The following MGAM variants were observed in gnomAD, a reference collection of about 807,000 sequenced individuals.
MGAM encodes alpha-1,4-glucosidase.
In MGAM, 253 loss-of-function variants were observed where a neutral mutation model predicts 358.8. The ratio of observed to expected loss-of-function variants is 0.71; its 90% CI spans 0.64 to 0.78. MGAM has a LOEUF of 0.78. MGAM is among the 30% of genes least tolerant of loss of function. The pLI is 0.00. For missense variants in MGAM, 3,080 were observed against 3,432.6 expected, an observed-to-expected ratio of 0.90 and a Z score of 2.57; for synonymous variants, 1,105 against 1,227.1, an observed-to-expected ratio of 0.90 and a Z score of 2.08.
chr7:142,065,966 T>TGG, intron 40 of MGAM, 135 bp downstream of exon 40: 1 of 755,556 alleles, frequency 1.3e-6, no homozygotes. Context: ...TTGTTTTGTT[T>TGG]TGTTTTTTTT....
Position 142,036,911 on chromosome 7 carries a change from A to G in MGAM, c.2165A>G (p.Tyr722Cys). ...YLNIRYTLLP[Y>C]LYTLFFRAHS... Reference sequence around the variant, plus strand: ...AACATCCGCTATACTCTATTGCCCTACCTATACACCCTCTTCTTCCGTGCT... The same window carrying G: ...AACATCCGCTATACTCTATTGCCCTGCCTATACACCCTCTTCTTCCGTGCT... The change falls in exon 18 of 71, where the codon TAC becomes TGC. Residue 722 changes from tyrosine to cysteine, a missense_variant. Around this residue, in one of 5 missense-constraint regions of MGAM, gnomAD observed 1,816 missense variants for 1,840.5 expected, o/e 0.99. Transcript: ENST00000475668. 2 of 1,613,676 alleles carry G rather than the reference A, an allele frequency of 1.2e-6. No individual in the cohort carries two copies. The highest frequency in any genetic ancestry group is 1.7e-6 in the Non-Finnish European group (2 of 1,179,684).
chr7:142,039,832 T>C (rs1373371883), intron 19 of MGAM, among the ~76,000 whole-genome samples: 6 of 152,186 alleles, frequency 3.9e-5, no homozygotes, highest in Admixed American at 3.9e-4. Flanking sequence ...TTGGGAATGT[T>C]GGGAAAATTA....
At chr7:142,060,228 C>A in intron 33 of MGAM, 83 bp from the exon 34 acceptor site, 2 of 1,547,334 alleles carry the variant, frequency 1.3e-6, no homozygotes, top group Non-Finnish European at 1.8e-6. Context: ...CCTAGGAGCA[C>A]GGTTTGTATA....
intron 1 of MGAM, among the ~76,000 whole-genome samples, chr7:142,000,093 C>G (rs138252486): frequency 6.6e-6 from 1 of 152,190 alleles, no homozygotes; most frequent in Admixed American, 6.5e-5. Context: ...TATTGGTTAT[C>G]TATTGCAGGG....
chr7:142,032,387 G>A (rs2129004758), intron 13 of MGAM, among the ~76,000 whole-genome samples: 1 of 152,134 alleles, frequency 6.6e-6, no homozygotes, highest in South Asian at 2.1e-4. Flanking sequence ...TTAAATTATA[G>A]CAACTAAAGA....
chr7:142,062,368 G>A (rs1490537631), intron 34 of MGAM, among the ~76,000 whole-genome samples, 200 bp from the exon 35 acceptor site: 2 of 152,144 alleles, frequency 1.3e-5, no homozygotes, highest in African/African-American at 4.8e-5. Context: ...TTTTCCAAAT[G>A]CTGGGAAGGT....
chr7:142,105,660 T>A (rs1276388847), intron 70 of MGAM, among the ~76,000 whole-genome samples, 154 bp from the exon 71 acceptor site: 1 of 152,228 alleles, frequency 6.6e-6, no homozygotes, highest in East Asian at 1.9e-4. Context: ...GAAAACACCC[T>A]TCTCATCTGA....
intron 2 of MGAM, among the ~76,000 whole-genome samples, chr7:141,987,702 A>G (rs987166869): frequency 2.0e-5 from 3 of 152,172 alleles, no homozygotes; most frequent in African/African-American, 7.2e-5. Flanking sequence ...AACTGATAGG[A>G]TTGGAGGGAT....
At position 142,005,649 on chromosome 7, in the gene MGAM, A is replaced by T. The variant is rs782329352; in HGVS notation, c.119A>T (p.Lys40Ile). The change falls in exon 2 of 71, where the codon AAA becomes ATA. Residue 40 changes from lysine to isoleucine, a missense_variant. Coordinates refer to ENST00000475668, the MANE Select transcript of MGAM (RefSeq NM_001365693.1). The stretch of plus-strand genomic sequence containing the variant: ...GTGCTTTTAGCCAAAGAGTCACTGA[A>T]ATCAACAGGTAAGAAGTAACTCTGG... ...LIVLLAKESL[K>I]STAPDPGTTG... 1.2e-6 allele frequency: 2 copies of T among 1,601,402 alleles called. No individual in the cohort carries two copies. Among genetic ancestry groups the T allele is most frequent in the East Asian group, 4.5e-5 (2 of 44,516 alleles).
chr7:141,993,906 G>C (rs1362139569), upstream of MGAM, among the ~76,000 whole-genome samples: 2 of 152,180 alleles, frequency 1.3e-5, no homozygotes, highest in Non-Finnish European at 2.9e-5. Context: ...AAATATTATA[G>C]TAACTGTGTT....
Position 142,071,067 on chromosome 7 carries a change from G to A in MGAM, c.5135G>A (p.Arg1712His), listed in dbSNP as rs373367889. The change falls in exon 44 of 71, where the codon CGT becomes CAT. Residue 1712 changes from arginine (R) to histidine (H), a missense_variant. Arg to His is a conservative substitution (Grantham distance 29, BLOSUM62 0). Coordinates refer to ENST00000475668, the MANE Select transcript of MGAM (RefSeq NM_001365693.1). ...CTTGACCACATTAATCTTCATGTCC[G>A]TGGGGGCTACATCCTGCCCTGGCAA... ...APLDHINLHVRGGYILPWQEP... is the reference protein window; with the variant it reads ...APLDHINLHVHGGYILPWQEP... The A allele has an allele frequency of 6.4e-6, 10 of 1,556,216 alleles. 1 individual carries two copies. Among genetic ancestry groups the A allele is most frequent in the African/African-American group, 2.7e-5 (2 of 74,554 alleles).
In MGAM at chr7:142,056,947, G is replaced by A. The variant is rs368031399; in HGVS notation, c.3693+5G>A. On this transcript the variant is annotated splice_donor_5th_base_variant and intron_variant, in intron 30 of 70. Coordinates refer to ENST00000475668, the MANE Select transcript of MGAM (RefSeq NM_001365693.1). ...GTCACCCAGCAGTACACTGAGGTAG[G>A]GGGAAATCCAATTGTTTATCAAGTA... The A allele has an allele frequency of 3.8e-5, 61 of 1,613,160 alleles. 1 individual carries two copies. Among genetic ancestry groups the A allele is most frequent in the South Asian group, 3.3e-4 (30 of 90,978 alleles).
At chr7:142,087,844 A>G (rs1308842355) in intron 57 of MGAM, among the ~76,000 whole-genome samples, 1 of 146,452 alleles carries the variant, frequency 6.8e-6, no homozygotes, top group Non-Finnish European at 1.5e-5. Context: ...GTTAGCAGCC[A>G]CTCAGAAGTC....
chr7:142,092,495 G>T lies in MGAM; in HGVS notation c.6946-26G>T. 2.7e-6 allele frequency: 4 copies of T among 1,508,946 alleles called. 2 individuals carry two copies. In the South Asian group the frequency reaches 4.7e-5, roughly 18 times the overall value. The allele number at this position is 1,508,946 out of a possible 1,614,324, so 93.5% of individuals were successfully genotyped here. A position where few individuals can be genotyped will look rare whatever the true frequency, so the allele number is the denominator to read the frequency against. ...AGGACGTAATTATCTTAAAAAGTGA[G>T]GTATGTCTGTGTTTGGCATTTCTAG... is the stretch of plus-strand genomic sequence containing the variant. On this transcript the variant is annotated intron_variant, in intron 58 of 70. Transcript: ENST00000475668.
chr7:142,044,809 T>G lies in MGAM; in HGVS notation c.2499-2976T>G, dbSNP rs184105066. 9.6e-5 allele frequency among the ~76,000 whole-genome samples: 6 copies of G among 62,800 alleles called. No individual in the cohort carries two copies. The East Asian group carries it at 1.7e-3, about 17-fold the overall frequency. The allele number at this position is 62,800 out of a possible 152,430, so 41.2% of individuals were successfully genotyped here. A position where few individuals can be genotyped will look rare whatever the true frequency, so the allele number is the denominator to read the frequency against. On this transcript the variant is annotated intron_variant, in intron 21 of 70. Coordinates refer to ENST00000475668, the MANE Select transcript of MGAM (RefSeq NM_001365693.1). ...AATATATGATATATAATGTATATTA[T>G]ATACACGTGTAATATATGATATATA...
chr7:142,031,899 A>G (rs1807533807), intron 13 of MGAM, 106 bp downstream of exon 13: 1 of 721,370 alleles, frequency 1.4e-6, no homozygotes. Flanking sequence ...AGGAGAAGAA[A>G]GGAAGTATAA....
At chr7:142,056,965 A>G in intron 30 of MGAM, 23 bp downstream of exon 30, 1 of 1,610,064 alleles carries the variant, frequency 6.2e-7, no homozygotes, top group Non-Finnish European at 8.5e-7. Context: ...CCAATTGTTT[A>G]TCAAGTACTT....
At chr7:142,016,875 C>G (rs1806016942) in intron 3 of MGAM, among the ~76,000 whole-genome samples, 2 of 152,224 alleles carry the variant, frequency 1.3e-5, no homozygotes, top group Non-Finnish European at 2.9e-5. Flanking sequence ...GCGAGAGCCA[C>G]TGCACCCAGC....
chr7:142,086,392 C>T lies in MGAM; in HGVS notation c.6747+64C>T, dbSNP rs1406182576. On this transcript the variant is annotated intron_variant, in intron 56 of 70. Coordinates refer to ENST00000475668, the MANE Select transcript of MGAM (RefSeq NM_001365693.1). ...AGGGTGGGTCACTGTTAGAGGGTCA[C>T]ACGCCTGTGTATGTTATTTTTGGCC... 1.2e-5 allele frequency: 16 copies of T among 1,303,856 alleles called. 2 individuals are homozygous for T. Among genetic ancestry groups the T allele is most frequent in the Non-Finnish European group, 1.7e-5 (16 of 940,618 alleles). 80.8% of individuals were successfully genotyped at this position (1,303,856 alleles called of 1,614,324 possible).
Sources: gnomAD v4.1 joint callset for allele counts (sites outside exome capture counted in the v4.1 genomes callset) on GRCh38, gnomAD v4.1.1 for gene constraint, gnomAD v4.1.1 regional missense constraint, MANE v1.5 for transcripts, NCBI Gene and HGNC (gene_info 2026-07-23, HGNC 2026-07-21) for gene names.